TYW1B: variants seen among roughly 807,000 people sequenced by gnomAD.
TYW1B encodes tRNA-yW synthesizing protein 1 homolog B, also known as S-adenosyl-L-methionine-dependent tRNA 4-demethylwyosine synthase TYW1B.
In TYW1B, 73 loss-of-function variants were observed where a neutral mutation model predicts 86.9. The ratio of observed to expected loss-of-function variants is 0.84; its 90% CI spans 0.70 to 1.02. The LOEUF is 1.02. TYW1B is among the 50% of genes least tolerant of loss of function. The pLI is 0.00. For synonymous variants in TYW1B, 248 were observed against 292.8 expected (o/e 0.85, Z 1.56); for missense variants, 637 against 827.4 (o/e 0.77, Z 2.82).
At chr7:72,819,984 G>A (rs1238592500) in intron 2 of TYW1B, among the ~76,000 whole-genome samples, 1 of 151,988 alleles carries the variant, frequency 6.6e-6, no homozygotes, top group Non-Finnish European at 1.5e-5. Context: ...TTAAAGAAAA[G>A]AAATTTCAAG....
At chr7:72,632,677 A>AACACT (rs1466314465) in intron 11 of TYW1B, among the ~76,000 whole-genome samples, 2 of 148,946 alleles carry the variant, frequency 1.3e-5, no homozygotes. Context: ...ATAAACTGGC[A>AACACT]ACAGTAACCA....
At chr7:72,656,611 CA>C (rs797022984) in intron 11 of TYW1B, among the ~76,000 whole-genome samples, 62 of 127,128 alleles carry the variant, frequency 4.9e-4, no homozygotes, top group Admixed American at 1.0e-3. Flanking sequence ...AACTCTGTCT[CA>C]AAAAAAAAAA....
intron 10 of TYW1B, among the ~76,000 whole-genome samples, chr7:72,711,473 C>CTTTTTTTTTTTTTTTTTTTT (rs59438928): frequency 1.8e-5 from 1 of 56,948 alleles, no homozygotes; most frequent in African/African-American, 7.3e-5. Context: ...CTCTTTAATT[C>CTTTTTTTTTTTTTTTTTTTT]TTTTTTTTTT....
chr7:72,691,911 C>G (rs1814172617), intron 11 of TYW1B, among the ~76,000 whole-genome samples: 1 of 152,078 alleles, frequency 6.6e-6, no homozygotes, highest in South Asian at 2.1e-4. Context: ...CCCATTCATT[C>G]TTTTAAGAAA....
intron 13 of TYW1B, among the ~76,000 whole-genome samples, chr7:72,587,672 C>A (rs1811304533): frequency 6.6e-6 from 1 of 152,130 alleles, no homozygotes; most frequent in Admixed American, 6.6e-5. Context: ...AATCTTGTAG[C>A]CTCCAGCTGC....
intron 11 of TYW1B, among the ~76,000 whole-genome samples, chr7:72,675,614 G>T (rs1449826245): frequency 6.8e-6 from 1 of 147,676 alleles, no homozygotes; most frequent in Non-Finnish European, 1.5e-5. Context: ...CACATGCACT[G>T]TATATACACA....
chr7:72,789,840 AACACAGTG>A (rs1788189310), intron 6 of TYW1B, among the ~76,000 whole-genome samples: 1 of 151,872 alleles, frequency 6.6e-6, no homozygotes, highest in Non-Finnish European at 1.5e-5. Flanking sequence ...AAATAGATGA[AACACAGTG>A]TACAATAAAG....
intron 11 of TYW1B, among the ~76,000 whole-genome samples, chr7:72,684,345 A>C (rs1227661357): frequency 1.3e-5 from 2 of 152,124 alleles, no homozygotes. Context: ...GAGGGAAAAA[A>C]GCCTTATCTA....
rs143508674 is a variant in TYW1B, at chr7:72,708,995, T to A, written c.1370+4626A>T. On this transcript the variant is annotated intron_variant, in intron 10 of 13. Coordinates refer to ENST00000620995, the MANE Select transcript of TYW1B (RefSeq NM_001145440.3). Reference sequence around the variant, plus strand: ...GAAAAATGTGGGGCTAGGAGGGTTGTCTTATACTTAGGACTTCCTAACATT... The same window carrying A: ...GAAAAATGTGGGGCTAGGAGGGTTGACTTATACTTAGGACTTCCTAACATT... 6.9e-3 allele frequency among the ~76,000 whole-genome samples: 1,058 copies of A among 152,302 alleles called. 10 individuals are homozygous for A. The highest frequency in any genetic ancestry group is 0.023 in the African/African-American group (964 of 41,564).
At chr7:72,594,987 T>C (rs1372491325) in intron 13 of TYW1B, among the ~76,000 whole-genome samples, 2 of 152,146 alleles carry the variant, frequency 1.3e-5, no homozygotes, top group African/African-American at 4.8e-5. Context: ...CTGGAAACTA[T>C]CTTAACGTAA....
At chr7:72,677,330 T>G (rs1424311120) in intron 11 of TYW1B, among the ~76,000 whole-genome samples, 1 of 150,872 alleles carries the variant, frequency 6.6e-6, no homozygotes, top group Admixed American at 6.6e-5. Flanking sequence ...TTTTTTTTGG[T>G]AGAGAAAGGG....
chr7:72,702,936 A>C (rs2129570471), intron 10 of TYW1B, among the ~76,000 whole-genome samples: 1 of 149,776 alleles, frequency 6.7e-6, no homozygotes, highest in South Asian at 2.1e-4. Context: ...GCTGACATCC[A>C]ACCCACATAT....
intron 9 of TYW1B, among the ~76,000 whole-genome samples, chr7:72,717,029 G>A (rs1463837988): frequency 3.3e-5 from 5 of 151,996 alleles, no homozygotes; most frequent in African/African-American, 7.2e-5. Flanking sequence ...GGCTGGGCAC[G>A]GCAGCTCATG....
chr7:72,751,715 C>T (rs1787503519), intron 7 of TYW1B, among the ~76,000 whole-genome samples: 1 of 152,150 alleles, frequency 6.6e-6, no homozygotes, highest in South Asian at 2.1e-4. Flanking sequence ...TTCTTGTGTC[C>T]TAGACATTCT....
At position 72,659,849 on chromosome 7, in the gene TYW1B, A is replaced by C. The variant is rs1483088971; in HGVS notation, c.1507-30852T>G. Among the ~76,000 whole-genome samples, 5 of 152,356 alleles carry C rather than the reference A, an allele frequency of 3.3e-5. No individual in the cohort carries two copies. In the East Asian group the frequency reaches 9.6e-4, roughly 29 times the overall value. ...AAGGTGAAACAGCACTGCATTCAGG[A>C]GGATGAACGAGGAAGCCGTTATAGA... On this transcript the variant is annotated intron_variant, in intron 11 of 13. Transcript: ENST00000620995.
intron 11 of TYW1B, among the ~76,000 whole-genome samples, chr7:72,654,643 G>A (rs1554443355): frequency 6.6e-6 from 1 of 152,222 alleles, no homozygotes; most frequent in African/African-American, 2.4e-5. Flanking sequence ...TACTTTGGGA[G>A]GTTGAGGCGA....
intron 3 of TYW1B, among the ~76,000 whole-genome samples, chr7:72,811,217 G>A (rs1788610094): frequency 6.7e-6 from 1 of 148,888 alleles, no homozygotes; most frequent in South Asian, 2.1e-4. Flanking sequence ...CTTGTAGTGA[G>A]CCGAGATCGC....
chr7:72,741,177 T>A (rs1787298564), intron 8 of TYW1B, among the ~76,000 whole-genome samples: 1 of 152,022 alleles, frequency 6.6e-6, no homozygotes, highest in Admixed American at 6.6e-5. Context: ...AAGCCAACTA[T>A]CTTAAACATG....
intron 7 of TYW1B, among the ~76,000 whole-genome samples, chr7:72,771,345 G>A (rs1787865393): frequency 1.3e-5 from 2 of 152,154 alleles, no homozygotes; most frequent in South Asian, 4.1e-4. Flanking sequence ...AGGAGTTATT[G>A]ACTAGAAATG....
Sources: gnomAD v4.1 joint callset for allele counts (sites outside exome capture counted in the v4.1 genomes callset) on GRCh38, gnomAD v4.1.1 for gene constraint, MANE v1.5 for transcripts, NCBI Gene and HGNC (gene_info 2026-07-23, HGNC 2026-07-21) for gene names.